ZC3H12B: variants seen among roughly 807,000 people sequenced by gnomAD.
ZC3H12B encodes zinc finger CCCH-type containing 12B.
In ZC3H12B, 7 loss-of-function variants were observed where a neutral mutation model predicts 43.9. The ratio of observed to expected loss-of-function variants is 0.16; its 90% confidence interval spans 0.09 to 0.30. ZC3H12B has a LOEUF of 0.30. Ranked by LOEUF, ZC3H12B falls within the 10% of genes least tolerant of loss-of-function variation. The pLI is 1.00. For synonymous variants in ZC3H12B, 222 were observed against 241.7 expected (o/e 0.92, Z 0.76); for missense variants, 475 against 670.2 (o/e 0.71, Z 3.22).
At chrX:65,442,252 G>C (rs1194130440) in intron 3 of ZC3H12B, among the ~76,000 whole-genome samples, 4 of 109,728 alleles carry the variant, frequency 3.6e-5, no homozygotes, top group Non-Finnish European at 7.6e-5. Flanking sequence ...AGAGCAGCCT[G>C]GCAATCGGGA....
chrX:65,369,644 TA>T (rs957153898), intron 2 of ZC3H12B, among the ~76,000 whole-genome samples: 2 of 111,776 alleles, frequency 1.8e-5, no homozygotes, highest in African/African-American at 6.5e-5. Context: ...TATGCAACTT[TA>T]AAAAAATTGC....
intron 3 of ZC3H12B, among the ~76,000 whole-genome samples, chrX:65,406,640 G>A (rs1412101500): frequency 9.4e-6 from 1 of 106,658 alleles, no homozygotes; most frequent in East Asian, 3.0e-4. Context: ...GGCCGGGCGG[G>A]GCCGGCGCTG....
the ZC3H12B span, among the ~76,000 whole-genome samples, chrX:65,160,800 T>G: frequency 2.7e-5 from 3 of 111,723 alleles, no homozygotes; most frequent in African/African-American, 9.8e-5. Context: ...TGCCTTCTGC[T>G]AGCTTTTGAA....
At chrX:65,127,666 C>G in the ZC3H12B span, among the ~76,000 whole-genome samples, 6 of 110,944 alleles carry the variant, frequency 5.4e-5, no homozygotes, top group African/African-American at 2.0e-4. Context: ...AGGTATGTCT[C>G]AGCTCAGCCT....
chrX:65,384,950 G>C (rs1302153758), intron 2 of ZC3H12B, among the ~76,000 whole-genome samples: 1 of 112,346 alleles, frequency 8.9e-6, no homozygotes, highest in East Asian at 2.8e-4. Flanking sequence ...TTAAAGATCA[G>C]ATGGTTGTAG....
At chrX:65,217,146 TTGTC>T in the ZC3H12B span, among the ~76,000 whole-genome samples, 27 of 111,676 alleles carry the variant, frequency 2.4e-4, no homozygotes, top group Admixed American at 6.7e-4. Context: ...AAGCAAAACT[TTGTC>T]TGGGAACCCA....
the ZC3H12B span, among the ~76,000 whole-genome samples, chrX:65,188,472 G>A: frequency 2.8e-5 from 3 of 108,201 alleles, no homozygotes; most frequent in Non-Finnish European, 3.8e-5. Flanking sequence ...ATTGTTGCTG[G>A]TATTTGTTAT....
upstream of ZC3H12B, among the ~76,000 whole-genome samples, chrX:65,362,360 G>A (rs1463845361): frequency 9.0e-6 from 1 of 111,272 alleles, no homozygotes; most frequent in Non-Finnish European, 1.9e-5. Context: ...TGACGGCCAG[G>A]CTTCTAAACC....
the ZC3H12B span, among the ~76,000 whole-genome samples, chrX:65,098,450 G>T: frequency 9.0e-6 from 1 of 110,773 alleles, no homozygotes; most frequent in African/African-American, 3.3e-5. Flanking sequence ...AGAACAGGGG[G>T]ATCTGGCAAG....
the ZC3H12B span, among the ~76,000 whole-genome samples, chrX:65,127,360 A>C: frequency 8.9e-6 from 1 of 112,368 alleles, no homozygotes; most frequent in Non-Finnish European, 1.9e-5. Context: ...ATTCATCATC[A>C]GGTCTTGCAG....
At chrX:65,418,552 G>A (rs2066985468) in intron 3 of ZC3H12B, among the ~76,000 whole-genome samples, 1 of 111,621 alleles carries the variant, frequency 9.0e-6, no homozygotes, top group Non-Finnish European at 1.9e-5. Flanking sequence ...AAGGCAAAGT[G>A]GGTGTGGTTA....
At chrX:65,295,090 G>C in the ZC3H12B span, among the ~76,000 whole-genome samples, 1 of 111,360 alleles carries the variant, frequency 9.0e-6, no homozygotes, top group African/African-American at 3.3e-5. Context: ...ATCCAAGATA[G>C]ATCATAGGTT....
At chrX:65,159,109 T>G in the ZC3H12B span, among the ~76,000 whole-genome samples, 1 of 111,825 alleles carries the variant, frequency 8.9e-6, no homozygotes, top group East Asian at 2.8e-4. Context: ...TTCTGAGGTC[T>G]CTGTTCTGTT....
intron 3 of ZC3H12B, among the ~76,000 whole-genome samples, chrX:65,441,908 G>A (rs899989929): frequency 1.1e-4 from 12 of 110,166 alleles, no homozygotes; most frequent in East Asian, 8.6e-4. Flanking sequence ...CCCTCATGGC[G>A]TTTCCCGAAA....
the ZC3H12B span, among the ~76,000 whole-genome samples, chrX:65,162,659 T>C: frequency 8.9e-6 from 1 of 111,857 alleles, no homozygotes; most frequent in Admixed American, 9.5e-5. Context: ...ATTCTAGTTA[T>C]ACATTCGTCT....
intron 3 of ZC3H12B, among the ~76,000 whole-genome samples, chrX:65,425,110 T>C (rs2067064934): frequency 8.9e-6 from 1 of 112,010 alleles, no homozygotes; most frequent in Non-Finnish European, 1.9e-5. Context: ...TAGAATGTTT[T>C]TTCCATTTGT....
chrX:65,311,787 A>G, the ZC3H12B span, among the ~76,000 whole-genome samples: 1 of 111,979 alleles, frequency 8.9e-6, no homozygotes, highest in Non-Finnish European at 1.9e-5. Flanking sequence ...AATGTGGCAC[A>G]TATACACCAT....
chrX:65,389,772 C>T (rs1199130556), intron 2 of ZC3H12B, among the ~76,000 whole-genome samples: 1 of 112,414 alleles, frequency 8.9e-6, no homozygotes, highest in Non-Finnish European at 1.9e-5. Context: ...GCCATCTTGG[C>T]TCCACGCCCA....
At chrX:65,327,839 T>G in the ZC3H12B span, 2 of 121,841 alleles carry the variant, frequency 1.6e-5, no homozygotes, top group Non-Finnish European at 3.7e-5. Context: ...CTATAACCCC[T>G]TTTATTTTCT....
Sources: gnomAD v4.1 joint callset for allele counts (sites outside exome capture counted in the v4.1 genomes callset) on GRCh38, gnomAD v4.1.1 for gene constraint, MANE v1.5 for transcripts, NCBI Gene and HGNC (gene_info 2026-07-23, HGNC 2026-07-21) for gene names.